Variants in GALNTL6 observed in about 807,000 individuals in gnomAD.
GALNTL6 encodes polypeptide N-acetylgalactosaminyltransferase-like 6.
GALNTL6 carries 46 observed loss-of-function variants against 73.7 expected under a neutral mutation model. The observed-to-expected ratio is 0.62, with a 90% CI of 0.49 to 0.80. The LOEUF (loss-of-function observed/expected upper bound fraction) is 0.80, where lower values mean the gene tolerates loss of function less well. Among genes scored for constraint, GALNTL6 ranks in the 30% least tolerant of loss-of-function variants. The pLI is 0.00. For missense variants in GALNTL6, 604 were observed against 755.0 expected (o/e 0.80, Z 2.34); for synonymous variants, 259 against 263.7 (o/e 0.98, Z 0.17).
At position 171,984,995 on chromosome 4, in the gene GALNTL6, C is replaced by CAA. The variant is rs368531253; in HGVS notation, c.138+170288_138+170289dup. On this transcript the variant is annotated intron_variant, in intron 2 of 12. Coordinates refer to ENST00000506823, the MANE Select transcript of GALNTL6 (RefSeq NM_001034845.3). Reference sequence around the variant, plus strand: ...AATACAAAAATAAAATCAGCAAAAACAAAAAAAAAAAAGAAAAGAAAACCC... The same window carrying CAA: ...AATACAAAAATAAAATCAGCAAAAACAAAAAAAAAAAAAAGAAAAGAAAACCC... Among the ~76,000 whole-genome samples, 884 of 136,402 alleles carry CAA rather than the reference C, an allele frequency of 6.5e-3. 12 individuals are homozygous for CAA. Among genetic ancestry groups the CAA allele is most frequent in the African/African-American group, 0.022 (828 of 37,148 alleles). The allele number at this position is 136,402 out of a possible 152,430, so 89.5% of individuals were successfully genotyped here.
intron 3 of GALNTL6, among the ~76,000 whole-genome samples, chr4:172,287,330 G>A (rs1457273048): frequency 1.3e-5 from 2 of 152,030 alleles, no homozygotes; most frequent in African/African-American, 2.4e-5. Flanking sequence ...CAGCTAATAG[G>A]CCTCATGCTG....
intron 3 of GALNTL6, among the ~76,000 whole-genome samples, chr4:172,269,284 G>A (rs1738556961): frequency 6.6e-6 from 1 of 152,142 alleles, no homozygotes; most frequent in Non-Finnish European, 1.5e-5. Flanking sequence ...TACACAATAA[G>A]GCACGGAGGT....
intron 2 of GALNTL6, among the ~76,000 whole-genome samples, chr4:172,062,802 A>T (rs1368521707): frequency 6.6e-6 from 1 of 152,208 alleles, no homozygotes; most frequent in Non-Finnish European, 1.5e-5. Flanking sequence ...TAGACCTCTG[A>T]ATCTCCTGCC....
intron 2 of GALNTL6, among the ~76,000 whole-genome samples, chr4:171,906,370 A>G (rs1295433679): frequency 1.4e-4 from 21 of 151,854 alleles, no homozygotes; most frequent in Non-Finnish European, 3.1e-4. Context: ...AAACACCTCT[A>G]CGCAAATAAA....
chr4:172,384,189 TG>T (rs1455055479), intron 5 of GALNTL6, among the ~76,000 whole-genome samples: 3 of 152,166 alleles, frequency 2.0e-5, no homozygotes, highest in African/African-American at 7.2e-5. Context: ...ATTAAATGTT[TG>T]ATAGAGTTCA....
intron 2 of GALNTL6, among the ~76,000 whole-genome samples, chr4:171,918,565 A>G (rs1737694146): frequency 6.6e-6 from 1 of 152,154 alleles, no homozygotes; most frequent in Admixed American, 6.6e-5. Context: ...TGGTGCAGCC[A>G]CTAAGGAAAA....
intron 5 of GALNTL6, among the ~76,000 whole-genome samples, chr4:172,807,334 T>C (rs554598181): frequency 4.6e-5 from 7 of 152,376 alleles, no homozygotes; most frequent in African/African-American, 1.7e-4. Flanking sequence ...AGATACAAGA[T>C]GATGAATTAT....
intron 4 of GALNTL6, among the ~76,000 whole-genome samples, chr4:172,325,854 G>C (rs10019814): frequency 0.02 from 3,030 of 151,598 alleles, 106 homozygotes; most frequent in African/African-American, 0.069. Context: ...GAACTATTTG[G>C]GGGAATAAAA....
At chr4:172,284,168 A>C (rs1739168357) in intron 3 of GALNTL6, among the ~76,000 whole-genome samples, 3 of 152,208 alleles carry the variant, frequency 2.0e-5, no homozygotes, top group Admixed American at 2.0e-4. Context: ...ATTGAGGTAA[A>C]AATAGAAAAA....
chr4:172,887,536 T>TTTTATTTATTTA lies in GALNTL6; in HGVS notation c.1041+4661_1041+4672dup, dbSNP rs56097389. 2.1e-3 allele frequency among the ~76,000 whole-genome samples: 296 copies of TTTTATTTATTTA among 143,354 alleles called. 2 individuals are homozygous for TTTTATTTATTTA. Among genetic ancestry groups the TTTTATTTATTTA allele is most frequent in the African/African-American group, 3.4e-3 (131 of 38,860 alleles). The allele number at this position is 143,354 out of a possible 152,430, so 94.0% of individuals were successfully genotyped here. On this transcript the variant is annotated intron_variant, in intron 8 of 12. Coordinates refer to ENST00000506823, the MANE Select transcript of GALNTL6 (RefSeq NM_001034845.3). ...CCTGCCAACATATTATATTTTAACC[T>TTTTATTTATTTA]TTTATTTATTTATTTATTTATTTAT...
chr4:172,782,412 G>C (rs1307083172), intron 5 of GALNTL6, among the ~76,000 whole-genome samples: 1 of 152,102 alleles, frequency 6.6e-6, no homozygotes, highest in African/African-American at 2.4e-5. Context: ...TTCACCTCTA[G>C]AACTCTAGTG....
intron 3 of GALNTL6, among the ~76,000 whole-genome samples, chr4:172,306,270 TCCCAG>T (rs1740134291): frequency 6.6e-6 from 1 of 152,062 alleles, no homozygotes; most frequent in African/African-American, 2.4e-5. Flanking sequence ...GTGCCTGTAA[TCCCAG>T]CTACTCGGGA....
Position 172,864,545 on chromosome 4 carries a change from A to G in GALNTL6, c.924-18245A>G, listed in dbSNP as rs1444631041. 2.6e-5 allele frequency among the ~76,000 whole-genome samples: 4 copies of G among 152,254 alleles called. No homozygotes were observed. In the East Asian group the frequency reaches 5.8e-4, roughly 22 times the overall value. On this transcript the variant is annotated intron_variant, in intron 7 of 12. Coordinates refer to ENST00000506823, the MANE Select transcript of GALNTL6 (RefSeq NM_001034845.3). The stretch of plus-strand genomic sequence containing the variant: ...TTTCATGTGGGTCCATTCTGCTTAT[A>G]TAACAGTTTGCTGTTTCCCTTGGAG...
intron 2 of GALNTL6, among the ~76,000 whole-genome samples, chr4:172,047,860 AATTAAT>A (rs1426537192): frequency 2.0e-5 from 3 of 152,240 alleles, no homozygotes; most frequent in Admixed American, 6.5e-5. Flanking sequence ...TATTTTTAAA[AATTAAT>A]ATTATTATTG....
intron 5 of GALNTL6, among the ~76,000 whole-genome samples, chr4:172,439,266 T>A (rs139609125): frequency 7.3e-5 from 11 of 151,676 alleles, no homozygotes; most frequent in African/African-American, 2.4e-4. Context: ...TTTGCTCCAA[T>A]ATTCCACAAA....
At chr4:172,958,254 T>C (rs958740258) in intron 10 of GALNTL6, among the ~76,000 whole-genome samples, 2 of 152,164 alleles carry the variant, frequency 1.3e-5, no homozygotes, top group African/African-American at 2.4e-5. Context: ...CACGCAGACT[T>C]GAGGGCTAGG....
intron 5 of GALNTL6, among the ~76,000 whole-genome samples, chr4:172,736,589 C>T (rs375733947): frequency 7.2e-5 from 11 of 152,052 alleles, no homozygotes; most frequent in East Asian, 3.9e-4. Flanking sequence ...ATGAAGATGA[C>T]GGGATTAAGA....
chr4:173,038,387 T>G (rs532432495), intron 12 of GALNTL6, among the ~76,000 whole-genome samples: 1 of 152,026 alleles, frequency 6.6e-6, no homozygotes, highest in East Asian at 1.9e-4. Flanking sequence ...GCTGGCGGAG[T>G]GAGCTGCAGC....
chr4:172,466,301 T>C (rs1356910176), intron 5 of GALNTL6, among the ~76,000 whole-genome samples: 1 of 152,214 alleles, frequency 6.6e-6, no homozygotes, highest in African/African-American at 2.4e-5. Flanking sequence ...ATGTGATAGT[T>C]GAATTTCAAA....
Sources: allele counts gnomAD v4.1 joint callset (sites outside exome capture counted in the v4.1 genomes callset), GRCh38; gene constraint gnomAD v4.1.1; transcripts MANE v1.5; gene names NCBI Gene and HGNC (gene_info 2026-07-23, HGNC 2026-07-21).